The following MAP2K5 variants were observed in gnomAD, a reference collection of about 807,000 sequenced individuals.
MAP2K5 encodes the protein mitogen-activated protein kinase kinase 5.
Under a neutral mutation model 83.1 loss-of-function variants are expected in MAP2K5, and 49 were observed. The ratio of observed to expected loss-of-function variants is 0.59; its 90% CI spans 0.47 to 0.75. The LOEUF is 0.75. Ranked by LOEUF, MAP2K5 falls within the 30% of genes least tolerant of loss-of-function variation. The probability of loss-of-function intolerance (pLI) is 0.00; values close to 1 mark genes in which losing one functional copy is unlikely to be tolerated. For missense variants in MAP2K5, 457 were observed against 557.5 expected (o/e 0.82, Z 1.82); for synonymous variants, 202 against 191.8 (o/e 1.05, Z -0.44).
At chr15:67,725,588 G>A (rs2089071656) in intron 16 of MAP2K5, among the ~76,000 whole-genome samples, 1 of 152,302 alleles carries the variant, frequency 6.6e-6, no homozygotes, top group Non-Finnish European at 1.5e-5. Context: ...AGTGAATGGC[G>A]CAATGCCTGT....
chr15:67,640,980 T>C lies in MAP2K5; in HGVS notation c.586-5251T>C, dbSNP rs1408042861. Among the ~76,000 whole-genome samples the C allele has an allele frequency of 2.0e-5, 3 of 152,260 alleles. No individual in the cohort carries two copies. Among genetic ancestry groups the C allele is most frequent in the African/African-American group, 7.2e-5 (3 of 41,476 alleles). Reference sequence around the variant, plus strand: ...ATGTGTAATTCATGAAACGTGTTTCTACCTTTTTGTCTGTTTGTTTGGTGC... The same window carrying C: ...ATGTGTAATTCATGAAACGTGTTTCCACCTTTTTGTCTGTTTGTTTGGTGC... On this transcript the variant is annotated intron_variant, in intron 9 of 21. Transcript: ENST00000178640. This position sits in a 1 kb window ranked among gnomAD's most constrained non-coding sequence, Gnocchi z 4.6.
intron 3 of MAP2K5, among the ~76,000 whole-genome samples, chr15:67,579,328 C>T (rs2085130125): frequency 6.6e-6 from 1 of 152,120 alleles, no homozygotes; most frequent in Non-Finnish European, 1.5e-5. Flanking sequence ...TATTGCTGTC[C>T]CAAAAGGTTG....
rs938226939 is a variant in MAP2K5 at position 67,805,327 on chromosome 15, A to G, written c.1243-1319A>G. On this transcript the variant is annotated intron_variant, in intron 21 of 21. Transcript: ENST00000178640. ...GCCTGAGCATTCTCCTGTCCCCCAC[A>G]GTTCTGACCTGTGGTCCAGAGGGGC... Among the ~76,000 whole-genome samples, 11 of 152,154 alleles carry G rather than the reference A, an allele frequency of 7.2e-5. No individual in the cohort carries two copies. The South Asian group carries it at 1.2e-3, about 17-fold the overall frequency.
Position 67,600,783 on chromosome 15 carries a change from G to A in MAP2K5, c.545+34G>A, listed in dbSNP as rs184742154. The A allele has an allele frequency of 1.2e-5, 18 of 1,529,404 alleles. No individual in the cohort carries two copies. The Admixed American group carries it at 3.0e-4, about 25-fold the overall frequency. 94.7% of individuals were successfully genotyped at this position (1,529,404 alleles called of 1,614,324 possible). A position where few individuals can be genotyped will look rare whatever the true frequency, so the allele number is the denominator to read the frequency against. On this transcript the variant is annotated intron_variant, in intron 8 of 21. Coordinates refer to ENST00000178640, the MANE Select transcript of MAP2K5 (RefSeq NM_145160.3). ...TCAATTTTGTTTAAACTTTCTATCC[G>A]CTTTTCCAAATACTGAGTATCCAAG...
At chr15:67,617,488 G>T (rs900019570) in intron 8 of MAP2K5, among the ~76,000 whole-genome samples, 2 of 152,156 alleles carry the variant, frequency 1.3e-5, no homozygotes, top group African/African-American at 4.8e-5. Context: ...CAGCTGGGAT[G>T]ATTCATATTT....
Position 67,561,092 on chromosome 15 carries a change from A to T in MAP2K5, c.185-2191A>T, listed in dbSNP as rs1177552012. ...TAGTTGCAGAAATGAGATTTATTTT[A>T]AAAAAACTACTTTATTCAGGCTGGA... On this transcript the variant is annotated intron_variant, in intron 2 of 21. Transcript: ENST00000178640. The surrounding 1 kb of genome is among the most constrained non-coding windows in gnomAD (Gnocchi z 4.2). Among the ~76,000 whole-genome samples, 7 of 152,126 alleles carry T rather than the reference A, an allele frequency of 4.6e-5. No homozygotes were observed. The highest frequency in any genetic ancestry group is 2.1e-4 in the South Asian group (1 of 4,824).
intron 13 of MAP2K5, among the ~76,000 whole-genome samples, chr15:67,674,112 G>A (rs952609731): frequency 2.6e-5 from 4 of 152,144 alleles, no homozygotes; most frequent in African/African-American, 9.7e-5. Context: ...CTCCCAAAGT[G>A]CTGAGATTAC....
chr15:67,624,212 A>G (rs941787741), intron 8 of MAP2K5, among the ~76,000 whole-genome samples: 2 of 151,632 alleles, frequency 1.3e-5, no homozygotes, highest in South Asian at 2.1e-4. Flanking sequence ...GCTGGCGGGT[A>G]CCTGTAGTCT....
chr15:67,601,952 C>A (rs1235379849), intron 8 of MAP2K5, among the ~76,000 whole-genome samples: 1 of 152,220 alleles, frequency 6.6e-6, no homozygotes, highest in African/African-American at 2.4e-5. Flanking sequence ...TTTTTTCCTG[C>A]AGATGACTGA....
intron 6 of MAP2K5, among the ~76,000 whole-genome samples, chr15:67,590,484 T>TCTCTC (rs1555529592): frequency 5.6e-5 from 8 of 142,952 alleles, no homozygotes; most frequent in East Asian, 2.3e-4. Flanking sequence ...TCTTTGTTTC[T>TCTCTC]TTTTGAGACA....
chr15:67,591,101 C>T (rs1047927110), intron 6 of MAP2K5, among the ~76,000 whole-genome samples: 2 of 152,008 alleles, frequency 1.3e-5, no homozygotes, highest in Non-Finnish European at 2.9e-5. Context: ...AATCCCAGCA[C>T]TTTGGGAGGC....
In MAP2K5 at chr15:67,801,270, G is replaced by A. The variant is rs977625195; in HGVS notation, c.1243-5376G>A. Among the ~76,000 whole-genome samples the A allele has an allele frequency of 5.9e-5, 9 of 152,172 alleles. No individual in the cohort carries two copies. The highest frequency in any genetic ancestry group is 1.7e-4 in the African/African-American group (7 of 41,438). ...TGGGTTGGCATGTGGAGGTCCCTTC[G>A]GCCTCTCAAATCACCATTTACAGGG... On this transcript the variant is annotated intron_variant, in intron 21 of 21. Transcript: ENST00000178640. This position sits in a 1 kb window ranked among gnomAD's most constrained non-coding sequence, Gnocchi z 4.8.
intron 15 of MAP2K5, among the ~76,000 whole-genome samples, chr15:67,695,068 A>G (rs977430661): frequency 7.0e-5 from 10 of 142,896 alleles, no homozygotes; most frequent in African/African-American, 2.3e-4. Flanking sequence ...ATGAGAACAC[A>G]TGGACACAGG....
chr15:67,647,298 A>G (rs1442865052), intron 11 of MAP2K5, among the ~76,000 whole-genome samples: 2 of 152,208 alleles, frequency 1.3e-5, no homozygotes, highest in East Asian at 3.8e-4. Flanking sequence ...TTATAGTAGA[A>G]TGTCAAAAAT....
At chr15:67,756,515 C>CTGTGTGTGTGTGTGTGTGTG (rs200627656) in intron 19 of MAP2K5, among the ~76,000 whole-genome samples, 1 of 131,544 alleles carries the variant, frequency 7.6e-6, no homozygotes, top group African/African-American at 2.8e-5. Flanking sequence ...CACACAGTTA[C>CTGTGTGTGTGTGTGTGTGTG]TGTGTGTGTG....
At chr15:67,674,909 C>T (rs1341124088) in intron 13 of MAP2K5, among the ~76,000 whole-genome samples, 1 of 152,062 alleles carries the variant, frequency 6.6e-6, no homozygotes, top group African/African-American at 2.4e-5. Context: ...TGAGATATTA[C>T]TATATACCTA....
At chr15:67,620,655 A>C (rs896298716) in intron 8 of MAP2K5, among the ~76,000 whole-genome samples, 2 of 152,232 alleles carry the variant, frequency 1.3e-5, no homozygotes, top group Non-Finnish European at 2.9e-5. Flanking sequence ...TAATAATTCA[A>C]AATGAAGTTA....
At chr15:67,621,381 G>A (rs2086182570) in intron 8 of MAP2K5, among the ~76,000 whole-genome samples, 1 of 149,704 alleles carries the variant, frequency 6.7e-6, no homozygotes, top group South Asian at 2.1e-4. Context: ...AGGTGGGACA[G>A]GGAATAAACC....
At chr15:67,739,416 G>A (rs1301632779) in intron 17 of MAP2K5, among the ~76,000 whole-genome samples, 1 of 122,194 alleles carries the variant, frequency 8.2e-6, no homozygotes, top group African/African-American at 3.2e-5. Flanking sequence ...ACAAGATTGT[G>A]TGTGACTATA....
Sources: gnomAD v4.1 joint callset for allele counts (sites outside exome capture counted in the v4.1 genomes callset) on GRCh38, gnomAD v4.1.1 for gene constraint, Gnocchi (gnomAD v3.1) non-coding constraint, MANE v1.5 for transcripts, NCBI Gene and HGNC (gene_info 2026-07-23, HGNC 2026-07-21) for gene names.